Variants in ADAMTS16 observed in about 807,000 individuals in gnomAD.
ADAMTS16 encodes A disintegrin and metalloproteinase with thrombospondin motifs 16.
In ADAMTS16, 94 loss-of-function variants were observed where a neutral mutation model predicts 145.8. The ratio of observed to expected loss-of-function variants is 0.64; its 90% CI spans 0.55 to 0.77. The LOEUF (loss-of-function observed/expected upper bound fraction) is 0.77, where lower values mean the gene tolerates loss of function less well. Ranked by LOEUF, ADAMTS16 falls within the 30% of genes least tolerant of loss-of-function variation. The probability of loss-of-function intolerance (pLI) is 0.00; values close to 1 mark genes in which losing one functional copy is unlikely to be tolerated. For missense variants in ADAMTS16, 1,585 were observed against 1,591.5 expected (o/e 1.00, Z 0.07); for synonymous variants, 659 against 604.3 (o/e 1.09, Z -1.33).
chr5:5,144,912 A>G (rs1216633897), intron 2 of ADAMTS16, among the ~76,000 whole-genome samples: 1 of 152,186 alleles, frequency 6.6e-6, no homozygotes, highest in African/African-American at 2.4e-5. Flanking sequence ...TAAGCAGCCA[A>G]CTGTGGAAAG....
chr5:5,152,661 C>G (rs914814452), intron 3 of ADAMTS16, among the ~76,000 whole-genome samples: 4 of 152,194 alleles, frequency 2.6e-5, no homozygotes, highest in African/African-American at 9.7e-5. Context: ...TTGCATTTAG[C>G]TGGGGCCAAG....
At chr5:5,165,627 A>G (rs1734854774) in intron 3 of ADAMTS16, among the ~76,000 whole-genome samples, 1 of 152,198 alleles carries the variant, frequency 6.6e-6, no homozygotes, top group East Asian at 1.9e-4. Context: ...TAGGAGAAGT[A>G]CCACTAGTGT....
At chr5:5,140,575 C>T in intron 1 of ADAMTS16, 36 bp downstream of exon 1, 7 of 1,499,932 alleles carry the variant, frequency 4.7e-6, no homozygotes, top group South Asian at 1.3e-5. Context: ...GCGGAAACCG[C>T]GGGTCCGGAC....
Position 5,172,479 on chromosome 5 carries a change from C to T in ADAMTS16, c.502-9565C>T, listed in dbSNP as rs1195629206. 1.3e-5 allele frequency among the ~76,000 whole-genome samples: 2 copies of T among 151,902 alleles called. 1 individual carries two copies. Among genetic ancestry groups the T allele is most frequent in the Admixed American group, 1.3e-4 (2 of 15,252 alleles). On this transcript the variant is annotated intron_variant, in intron 3 of 22. Transcript: ENST00000274181. ...TTTTTCAAATAAATTTAATTTTCTT[C>T]TTAATTTCTTCATTGACCCACTGGT...
rs1307625716 is a variant in ADAMTS16 at position 5,239,207 on chromosome 5, G to A, written c.2211G>A (p.Val737=). Residue 737 remains valine (V), a synonymous_variant, in exon 15 of 23, where the codon GTG becomes GTA. Coordinates refer to ENST00000274181, the MANE Select transcript of ADAMTS16 (RefSeq NM_139056.4). The part of the protein sequence containing the change: ...GSDAVEDVCG[V]CNGNNSACTI... ...ATGCTGTTGAAGACGTCTGTGGGGT[G>A]TGTAACGGGAATAACTCAGCCTGCA... 1.9e-6 allele frequency: 3 copies of A among 1,603,778 alleles called. No homozygotes were observed. Among genetic ancestry groups the A allele is most frequent in the East Asian group, 2.3e-5 (1 of 44,382 alleles).
At chr5:5,207,930 C>T (rs577888203) in intron 9 of ADAMTS16, among the ~76,000 whole-genome samples, 2 of 152,036 alleles carry the variant, frequency 1.3e-5, no homozygotes, top group Admixed American at 6.6e-5. Flanking sequence ...AATTTGCTAA[C>T]ATTTTGTTGA....
In ADAMTS16 at chr5:5,305,032, TCC is replaced by T. The variant is rs1561000305; in HGVS notation, c.3186+1267_3186+1268del. On this transcript the variant is annotated intron_variant, in intron 20 of 22. Transcript: ENST00000274181. ...CCCACACCACACACACACACACACATCCATCCCACACCACACACACACATCCC... is the reference window on the plus strand; with the variant it reads ...CCCACACCACACACACACACACACATATCCCACACCACACACACACATCCC... Among the ~76,000 whole-genome samples the T allele has an allele frequency of 6.2e-4, 11 of 17,826 alleles. No homozygotes were observed. The East Asian group carries it at 6.2e-3, about 10-fold the overall frequency. 11.7% of individuals were successfully genotyped at this position (17,826 alleles called of 152,430 possible).
chr5:5,218,700 G>A (rs1736505760), intron 10 of ADAMTS16, among the ~76,000 whole-genome samples: 1 of 152,216 alleles, frequency 6.6e-6, no homozygotes, highest in Non-Finnish European at 1.5e-5. Context: ...TTGAGTAGTG[G>A]AGGTGGCTCT....
Position 5,303,623 on chromosome 5 carries a change from A to T in ADAMTS16, c.3043A>T (p.Ser1015Cys). ...GWRKRAVACKSTNPSARAQLL... is the reference protein window; with the variant it reads ...GWRKRAVACKCTNPSARAQLL... ...GAGGAAGCGGGCAGTGGCCTGTAAG[A>T]GCACCAACCCCTCGGCCAGAGCGCA... Residue 1015 changes from serine to cysteine, a missense_variant, in exon 20 of 23, where the codon AGC (serine) becomes TGC (cysteine). Physicochemically the swap from Ser to Cys is moderately radical, Grantham distance 112. Around this residue, in one of 3 missense-constraint regions of ADAMTS16, gnomAD observed 834 missense variants for 811.7 expected, o/e 1.03. Coordinates refer to ENST00000274181, the MANE Select transcript of ADAMTS16 (RefSeq NM_139056.4). 1 of 1,614,118 alleles carries T rather than the reference A, an allele frequency of 6.2e-7. No individual in the cohort carries two copies. The highest frequency in any genetic ancestry group is 8.5e-7 in the Non-Finnish European group (1 of 1,180,028).
Position 5,269,794 on chromosome 5 carries a change from G to A in ADAMTS16, c.2789+7011G>A, listed in dbSNP as rs186551680. 1.2e-4 allele frequency among the ~76,000 whole-genome samples: 18 copies of A among 152,282 alleles called. No homozygotes were observed. The highest frequency in any genetic ancestry group is 2.6e-4 in the African/African-American group (11 of 41,568). On this transcript the variant is annotated intron_variant, in intron 18 of 22. Transcript: ENST00000274181. The surrounding 1 kb of genome is among the most constrained non-coding windows in gnomAD (Gnocchi z 4.3). Reference sequence around the variant, plus strand: ...GATTTGGAGCTGAAGACATCCCTGCGTTCTGCTGTGTCCTATCTTCTACAC... The same window carrying A: ...GATTTGGAGCTGAAGACATCCCTGCATTCTGCTGTGTCCTATCTTCTACAC...
intron 17 of ADAMTS16, 30 bp downstream of exon 17, chr5:5,242,221 G>A: frequency 1.2e-6 from 2 of 1,609,898 alleles, no homozygotes; most frequent in Non-Finnish European, 1.7e-6. Context: ...GCTCCTGGAG[G>A]CAGCATGTCA....
Position 5,186,256 on chromosome 5 carries a change from G to T in ADAMTS16, c.963+5G>T. On this transcript the variant is annotated splice_donor_5th_base_variant and intron_variant, in intron 5 of 22. Transcript: ENST00000274181. ...GTGCTCACGATACTCAACATGGTAG[G>T]ATCATCCTTCCAGTTGAGGCCACCT... 3 of 1,612,640 alleles carry T rather than the reference G, an allele frequency of 1.9e-6. No individual in the cohort carries two copies. Among genetic ancestry groups the T allele is most frequent in the Non-Finnish European group, 2.5e-6 (3 of 1,179,918 alleles).
At chr5:5,313,155 AT>A (rs1455097511) in intron 21 of ADAMTS16, among the ~76,000 whole-genome samples, 1 of 152,188 alleles carries the variant, frequency 6.6e-6, no homozygotes, top group African/African-American at 2.4e-5. Context: ...ACCATGATTC[AT>A]CTGCTATGTT....
Position 5,184,357 on chromosome 5 carries a change from T to G in ADAMTS16, c.764-1695T>G, listed in dbSNP as rs543809714. On this transcript the variant is annotated intron_variant, in intron 4 of 22. Coordinates refer to ENST00000274181, the MANE Select transcript of ADAMTS16 (RefSeq NM_139056.4). ...GGGCACTGTCACCGATGCATGGATG[T>G]ACCGCAGGGCCTCGTGTCACCTATG... 1.1e-3 allele frequency among the ~76,000 whole-genome samples: 169 copies of G among 152,220 alleles called. 1 individual carries two copies. The Middle Eastern group carries it at 0.02, about 18-fold the overall frequency.
intron 18 of ADAMTS16, among the ~76,000 whole-genome samples, chr5:5,291,807 C>T (rs1340494367): frequency 1.3e-5 from 2 of 152,188 alleles, no homozygotes; most frequent in Admixed American, 1.3e-4. Flanking sequence ...ATTTCTACAT[C>T]CACAGGCAAA....
In ADAMTS16 at chr5:5,237,055, TG is replaced by T; in HGVS notation, c.2111del (p.Cys704SerfsTer10). On this transcript the variant is annotated frameshift_variant, in exon 14 of 23. Transcript: ENST00000274181. LOFTEE classifies it high-confidence loss of function. Reference sequence around the variant, plus strand: ...AAATAAAGTCAAAGATGGGACTCCATGCTCGGAGGATAGCCGTAATGTTTGT... The same window carrying T: ...AAATAAAGTCAAAGATGGGACTCCATCTCGGAGGATAGCCGTAATGTTTGT... ...LSNKVKDGTP[C>X]SEDSRNVCID... 6.2e-7 allele frequency: 1 copy of T among 1,614,176 alleles called. No homozygotes were observed. The highest frequency in any genetic ancestry group is 8.5e-7 in the Non-Finnish European group (1 of 1,180,016).
chr5:5,318,083 A>G (rs1361471488), intron 21 of ADAMTS16, 51 bp from the exon 22 acceptor site: 3 of 1,312,348 alleles, frequency 2.3e-6, no homozygotes, highest in Non-Finnish European at 2.9e-6. Context: ...GAGGTTGACC[A>G]GGTGCCTGAG....
chr5:5,198,305 G>A (rs1299247544), intron 8 of ADAMTS16, among the ~76,000 whole-genome samples: 1 of 152,188 alleles, frequency 6.6e-6, no homozygotes, highest in Non-Finnish European at 1.5e-5. Context: ...CCTCTGCCAT[G>A]TGGTTACCCT....
chr5:5,262,681 G>A lies in ADAMTS16; in HGVS notation c.2687G>A (p.Cys896Tyr), dbSNP rs1324374519. 6.2e-7 allele frequency: 1 copy of A among 1,614,152 alleles called. No homozygotes were observed. Reference sequence around the variant, plus strand: ...GGACAGATGACCGTGAGAGAGGGCTGCTACAGAGACCTGAAGTTTCAAGTA... The same window carrying A: ...GGACAGATGACCGTGAGAGAGGGCTACTACAGAGACCTGAAGTTTCAAGTA... ...GGGQMTVREG[C>Y]YRDLKFQVNM... The change falls in exon 18 of 23, where the codon TGC (cysteine) becomes TAC (tyrosine). Residue 896 changes from cysteine (C) to tyrosine (Y), a missense_variant. Cys to Tyr is a radical substitution (Grantham distance 194, BLOSUM62 -2). This residue lies in a region of ADAMTS16 where 834 missense variants were observed against 811.7 expected (regional missense o/e 1.03). Transcript: ENST00000274181.
Sources: gnomAD v4.1 joint callset for allele counts (sites outside exome capture counted in the v4.1 genomes callset) on GRCh38, gnomAD v4.1.1 for gene constraint, gnomAD v4.1.1 regional missense constraint, Gnocchi (gnomAD v3.1) non-coding constraint, MANE v1.5 for transcripts, NCBI Gene and HGNC (gene_info 2026-07-23, HGNC 2026-07-21) for gene names.